The following CBLN2 variants were observed in gnomAD, a reference collection of about 807,000 sequenced individuals.
The protein encoded by CBLN2 is cerebellin 2 precursor, also known as cerebellin-2.
In CBLN2, 7 loss-of-function variants were observed where a neutral mutation model predicts 15.0. That is an observed-to-expected ratio of 0.47 (90% CI 0.27 to 0.88). CBLN2 has a LOEUF of 0.88. Ranked by LOEUF, CBLN2 falls within the 40% of genes least tolerant of loss-of-function variation. CBLN2 has a pLI of 0.14. For missense variants in CBLN2, 242 were observed against 304.5 expected (o/e 0.79, Z 1.53); for synonymous variants, 149 against 135.2 (o/e 1.10, Z -0.71).
intron 1 of CBLN2, among the ~76,000 whole-genome samples, chr18:72,574,078 AT>A (rs112107645): frequency 5.3e-5 from 8 of 151,826 alleles, no homozygotes; most frequent in African/African-American, 1.9e-4. Flanking sequence ...CCGTTGGTAT[AT>A]TTTCTTTGAT....
intron 1 of CBLN2, among the ~76,000 whole-genome samples, chr18:72,593,296 T>G (rs1372185489): frequency 6.6e-6 from 1 of 152,170 alleles, no homozygotes; most frequent in African/African-American, 2.4e-5. Context: ...CTTTCTTGAT[T>G]TCTTCTGCAG....
At chr18:72,563,629 C>T (rs1410272361) in intron 1 of CBLN2, among the ~76,000 whole-genome samples, 1 of 152,208 alleles carries the variant, frequency 6.6e-6, no homozygotes, top group African/African-American at 2.4e-5. Context: ...AGCTTGGAAA[C>T]AAGAGAGTTC....
intron 1 of CBLN2, among the ~76,000 whole-genome samples, chr18:72,629,177 A>G (rs2069759276): frequency 6.6e-6 from 1 of 152,190 alleles, no homozygotes; most frequent in Non-Finnish European, 1.5e-5. Context: ...TCTTTTAAGA[A>G]TAATGAAATC....
intron 1 of CBLN2, among the ~76,000 whole-genome samples, chr18:72,625,543 A>G (rs1403959242): frequency 2.0e-5 from 3 of 151,728 alleles, no homozygotes; most frequent in Non-Finnish European, 4.4e-5. Context: ...CACCAACACA[A>G]TGCATGATAC....
chr18:72,578,899 C>A (rs2069385535), intron 1 of CBLN2, among the ~76,000 whole-genome samples: 1 of 152,100 alleles, frequency 6.6e-6, no homozygotes, highest in Admixed American at 6.5e-5. Context: ...CTGAAAGCAC[C>A]CTTCACCTTT....
intron 1 of CBLN2, among the ~76,000 whole-genome samples, chr18:72,596,487 T>A (rs2069514901): frequency 6.6e-6 from 1 of 152,146 alleles, no homozygotes; most frequent in Non-Finnish European, 1.5e-5. Flanking sequence ...ATATTCTGTG[T>A]TTTCTGTGTA....
At position 72,558,114 on chromosome 18, in the gene CBLN2, C is replaced by A. The variant is rs145679403; in HGVS notation, c.16-19342G>T. ...CCTAATGAATGTAGGATGTAAACAA[C>A]TTTTAAAATCCTCCTAGAGAGGATC... is the stretch of plus-strand genomic sequence containing the variant. On this transcript the variant is annotated intron_variant, in intron 1 of 2. Coordinates refer to the CBLN2 transcript ENST00000581073. Among the ~76,000 whole-genome samples the A allele has an allele frequency of 5.8e-3, 878 of 152,242 alleles. 6 individuals carry two copies. Among genetic ancestry groups the A allele is most frequent in the Middle Eastern group, 0.031 (9 of 294 alleles).
intron 1 of CBLN2, among the ~76,000 whole-genome samples, chr18:72,570,203 G>C (rs1223325785): frequency 6.6e-6 from 1 of 151,524 alleles, no homozygotes; most frequent in Admixed American, 6.6e-5. Context: ...TCTGTTTAGA[G>C]ACACCTATTT....
At chr18:72,563,190 T>C (rs1012767743) in intron 1 of CBLN2, among the ~76,000 whole-genome samples, 3 of 152,218 alleles carry the variant, frequency 2.0e-5, no homozygotes, top group African/African-American at 7.2e-5. Flanking sequence ...CAGATTTACA[T>C]TATAAAAAGG....
chr18:72,542,051 G>A lies in CBLN2; in HGVS notation c.110C>T (p.Ala37Val), dbSNP rs779844910. The change falls in exon 3 of 5, where the codon GCC becomes GTC. Residue 37 changes from alanine to valine, a missense_variant. Transcript: ENST00000269503. ...GGCGGGCAGTAGCAGCAACAGCAGGGCCAGCGCCACCCCCAGGCAGGATCC... is the reference window on the plus strand; with the variant it reads ...GGCGGGCAGTAGCAGCAACAGCAGGACCAGCGCCACCCCCAGGCAGGATCC... ...GCGSCLGVAL[A>V]LLLLLLPACC... 8.8e-6 allele frequency: 14 copies of A among 1,584,392 alleles called. No individual in the cohort carries two copies. The Admixed American group carries it at 1.0e-4, about 12-fold the overall frequency.
chr18:72,617,969 A>C (rs1428496721), intron 1 of CBLN2, among the ~76,000 whole-genome samples: 1 of 152,176 alleles, frequency 6.6e-6, no homozygotes, highest in African/African-American at 2.4e-5. Context: ...ATTAAATGGA[A>C]GAAAAAATTT....
intron 1 of CBLN2, among the ~76,000 whole-genome samples, chr18:72,563,733 C>A (rs1190417112): frequency 6.6e-6 from 1 of 152,176 alleles, no homozygotes; most frequent in Admixed American, 6.5e-5. Flanking sequence ...TGGGCTAGCT[C>A]AGGTCCCCTC....
intron 1 of CBLN2, among the ~76,000 whole-genome samples, chr18:72,602,411 A>G (rs2069554945): frequency 6.6e-6 from 1 of 152,026 alleles, no homozygotes; most frequent in Non-Finnish European, 1.5e-5. Flanking sequence ...CTTTGTTTCA[A>G]CAGTTTCTCT....
upstream of CBLN2, among the ~76,000 whole-genome samples, chr18:72,548,968 G>T (rs10469196): frequency 0.12 from 18,818 of 152,076 alleles, 2,944 homozygotes; most frequent in African/African-American, 0.37. Flanking sequence ...AATTTTACAT[G>T]TCTGCATTTC....
At chr18:72,594,244 C>A (rs915297741) in intron 1 of CBLN2, among the ~76,000 whole-genome samples, 4 of 152,132 alleles carry the variant, frequency 2.6e-5, no homozygotes, top group African/African-American at 4.8e-5. Context: ...AACAAACCTG[C>A]ACATTCTGCA....
At chr18:72,577,574 T>C (rs556314538) in intron 1 of CBLN2, among the ~76,000 whole-genome samples, 2 of 152,366 alleles carry the variant, frequency 1.3e-5, no homozygotes, top group East Asian at 3.9e-4. Flanking sequence ...GACTCCATCC[T>C]ATCTTGTGAA....
intron 1 of CBLN2, among the ~76,000 whole-genome samples, chr18:72,631,916 T>C (rs2069779378): frequency 6.6e-6 from 1 of 152,178 alleles, no homozygotes; most frequent in Non-Finnish European, 1.5e-5. Flanking sequence ...TTTAATATCA[T>C]CATCTGATCA....
At chr18:72,561,636 G>A (rs1331929806) in intron 1 of CBLN2, among the ~76,000 whole-genome samples, 1 of 152,158 alleles carries the variant, frequency 6.6e-6, no homozygotes, top group African/African-American at 2.4e-5. Flanking sequence ...GCTTCAGAAA[G>A]CAGCAGAAAT....
chr18:72,582,960 G>A (rs1358253273), intron 1 of CBLN2, among the ~76,000 whole-genome samples: 1 of 152,164 alleles, frequency 6.6e-6, no homozygotes, highest in Non-Finnish European at 1.5e-5. Context: ...TGCCTTCCCA[G>A]GCAGGGTCTT....
Sources: gnomAD v4.1 joint callset for allele counts (sites outside exome capture counted in the v4.1 genomes callset) on GRCh38, gnomAD v4.1.1 for gene constraint, MANE v1.5 for transcripts, NCBI Gene and HGNC (gene_info 2026-07-23, HGNC 2026-07-21) for gene names.